Variants in ULK1 observed in about 807,000 individuals in gnomAD.
ULK1 encodes the protein unc-51 like autophagy activating kinase 1, also known as serine/threonine-protein kinase ULK1.
ULK1 carries 48 observed loss-of-function variants against 117.5 expected under a neutral mutation model. The ratio of observed to expected loss-of-function variants is 0.41; its 90% CI spans 0.32 to 0.52. The LOEUF (loss-of-function observed/expected upper bound fraction) is 0.52. ULK1 is among the 20% of genes least tolerant of loss of function. ULK1 has a pLI of 0.29. For synonymous variants in ULK1, 790 were observed against 637.8 expected, an observed-to-expected ratio of 1.24 and a Z score of -3.60; for missense variants, 1,387 against 1,473.4, an observed-to-expected ratio of 0.94 and a Z score of 0.96.
chr12:131,906,663 G>T (rs1046616981), intron 3 of ULK1: 27 of 597,558 alleles, frequency 4.5e-5, no homozygotes, highest in South Asian at 1.6e-4. Flanking sequence ...CTTATGGGGG[G>T]ACCAGGGGCC....
chr12:131,908,861 CG>C, intron 6 of ULK1, 36 bp from the exon 7 acceptor site: 1 of 1,606,166 alleles, frequency 6.2e-7, no homozygotes, highest in East Asian at 2.2e-5. Flanking sequence ...GGAGGGGCTC[CG>C]GGGCCGGCGC....
chr12:131,897,614 G>C (rs1888927727), intron 3 of ULK1: 1 of 152,038 alleles, frequency 6.6e-6, no homozygotes, highest in Non-Finnish European at 1.5e-5. Context: ...TTCTGTGCTG[G>C]CTCAATCCAT....
intron 8 of ULK1, among the ~76,000 whole-genome samples, chr12:131,909,477 C>G (rs1023631891): frequency 5.3e-5 from 8 of 152,114 alleles, no homozygotes; most frequent in Non-Finnish European, 1.0e-4. Context: ...TGTCTGGTCG[C>G]CTGTCTAGTC....
At chr12:131,900,959 A>G (rs1173238582) in intron 3 of ULK1, among the ~76,000 whole-genome samples, 1 of 151,728 alleles carries the variant, frequency 6.6e-6, no homozygotes. Context: ...TGGGGTGGGT[A>G]CCCAGCTCCT....
chr12:131,910,528 G>A (rs1036785127), intron 11 of ULK1, among the ~76,000 whole-genome samples, 184 bp from the exon 12 acceptor site: 2 of 152,166 alleles, frequency 1.3e-5, no homozygotes, highest in Admixed American at 6.5e-5. Context: ...GGGTGTTGGA[G>A]GGGCTGGTGC....
intron 25 of ULK1, 180 bp downstream of exon 25, chr12:131,919,770 G>C: frequency 2.0e-6 from 2 of 1,020,726 alleles, no homozygotes. Context: ...CAGCACCCTG[G>C]AGCCCAGTAT....
At position 131,908,619 on chromosome 12, in the gene ULK1, G is replaced by A. The variant is rs532238808; in HGVS notation, c.317-25G>A. The A allele has an allele frequency of 8.2e-6, 12 of 1,456,854 alleles. No individual in the cohort carries two copies. In the East Asian group the frequency reaches 3.0e-4, roughly 37 times the overall value. 90.2% of individuals were successfully genotyped at this position (1,456,854 alleles called of 1,614,324 possible). On this transcript the variant is annotated intron_variant, in intron 5 of 27. Transcript: ENST00000321867. ...CCTGGGGGAGGAAACACGGCCCCCAGGCCCTGAGCCGCCTCTCCCCGCAGC... is the reference window on the plus strand; with the variant it reads ...CCTGGGGGAGGAAACACGGCCCCCAAGCCCTGAGCCGCCTCTCCCCGCAGC...
At chr12:131,913,654 G>A (rs1306859719) in intron 14 of ULK1, 93 bp from the exon 15 acceptor site, 7 of 912,970 alleles carry the variant, frequency 7.7e-6, no homozygotes, top group East Asian at 6.2e-5. Flanking sequence ...GCAGTGAGCC[G>A]AGATTGCGCC....
rs2136405175 is a variant in ULK1, at chr12:131,917,068, T to G, written c.2182+6T>G. 1.5e-5 allele frequency: 18 copies of G among 1,164,100 alleles called. No individual in the cohort carries two copies. Among genetic ancestry groups the G allele is most frequent in the African/African-American group, 6.4e-5 (2 of 31,374 alleles). The allele number at this position is 1,164,100 out of a possible 1,614,324, so 72.1% of individuals were successfully genotyped here. A position where few individuals can be genotyped will look rare whatever the true frequency, so the allele number is the denominator to read the frequency against. ...GGAGAAGCCCATGGAGATCGGTGTGTGGGTGGGTGGGGCTCGGAGGCTGTG... is the reference window on the plus strand; with the variant it reads ...GGAGAAGCCCATGGAGATCGGTGTGGGGGTGGGTGGGGCTCGGAGGCTGTG... On this transcript the variant is annotated splice_donor_region_variant and intron_variant, in intron 21 of 27. Coordinates refer to ENST00000321867, the MANE Select transcript of ULK1 (RefSeq NM_003565.4).
At chr12:131,906,628 A>C in intron 3 of ULK1, 1 of 550,782 alleles carries the variant, frequency 1.8e-6, no homozygotes, top group Non-Finnish European at 3.3e-6. Flanking sequence ...GCTAGGGGGT[A>C]TGTCCTCTGC....
chr12:131,916,373 C>G (rs767180908), intron 19 of ULK1, 25 bp from the exon 20 acceptor site: 1 of 1,545,238 alleles, frequency 6.5e-7, no homozygotes, highest in Admixed American at 2.0e-5. Context: ...GCGGGGCAGT[C>G]TTCACCCCAT....
At position 131,917,050 on chromosome 12, in the gene ULK1, C is replaced by A; in HGVS notation, c.2170C>A (p.Pro724Thr). The part of the protein sequence containing the change: ...PGSTESLQEK[P>T]MEIAPSAGFG... ...CAGCACGGAGAGCCTGCAGGAGAAG[C>A]CCATGGAGATCGGTGTGTGGGTGGG... The change falls in exon 21 of 28, where the codon CCC becomes ACC. Residue 724 changes from proline to threonine, a missense_variant. Transcript: ENST00000321867. 1 of 1,398,780 alleles carries A rather than the reference C, an allele frequency of 7.1e-7. No homozygotes were observed. The allele number at this position is 1,398,780 out of a possible 1,614,324, so 86.6% of individuals were successfully genotyped here.
At chr12:131,918,794 GGGGTGTGGGGTGTAGT>G (rs1328139096) in intron 23 of ULK1, 113 bp downstream of exon 23, 29 of 271,834 alleles carry the variant, frequency 1.1e-4, no homozygotes, top group East Asian at 1.0e-3. Flanking sequence ...TGGGGTGTCG[GGGGTGTGGGGTGTAGT>G]GTGTGGGGTG....
chr12:131,921,539 A>T lies in ULK1; in HGVS notation c.*178A>T. 1.2e-6 allele frequency: 1 copy of T among 867,564 alleles called. No homozygotes were observed. Among genetic ancestry groups the T allele is most frequent in the Non-Finnish European group, 1.8e-6 (1 of 551,828 alleles). The allele number at this position is 867,564 out of a possible 1,614,324, so 53.7% of individuals were successfully genotyped here. On this transcript the variant is annotated 3_prime_UTR_variant, in exon 28 of 28. Coordinates refer to ENST00000321867, the MANE Select transcript of ULK1 (RefSeq NM_003565.4). ...GCAGCTCACGGGGCAGAACCAGCACATCTGGAGCCACACAGCTTGGGGGGT... is the reference window on the plus strand; with the variant it reads ...GCAGCTCACGGGGCAGAACCAGCACTTCTGGAGCCACACAGCTTGGGGGGT...
At position 131,922,084 on chromosome 12, in the gene ULK1, C is replaced by T. The variant is rs1177553258; in HGVS notation, c.*723C>T. 8.9e-6 allele frequency: 4 copies of T among 451,332 alleles called. No individual in the cohort carries two copies. Among genetic ancestry groups the T allele is most frequent in the South Asian group, 3.1e-5 (2 of 64,324 alleles). The allele number at this position is 451,332 out of a possible 1,614,324, so 28.0% of individuals were successfully genotyped here. ...CAAGCGTTCCTCTGGGGACCGGCAG[C>T]AGAGGCACCGTGTTCTCTCAGCCCT... On this transcript the variant is annotated 3_prime_UTR_variant, in exon 28 of 28. Coordinates refer to ENST00000321867, the MANE Select transcript of ULK1 (RefSeq NM_003565.4).
Position 131,917,459 on chromosome 12 carries a change from G to A in ULK1, c.2231G>A (p.Gly744Glu). Residue 744 changes from glycine (G) to glutamate (E), a missense_variant, in exon 22 of 28, where the codon GGG (glycine) becomes GAG (glutamate). By Grantham distance (98) the Gly-to-Glu change is moderately conservative (BLOSUM62 -2). Around this residue, in one of 4 missense-constraint regions of ULK1, gnomAD observed 900 missense variants for 858.9 expected, o/e 1.05. Transcript: ENST00000321867. The part of the protein sequence containing the change: ...GGSLHPGARA[G>E]GTSSPSPVVF... ...AGCCTGCACCCAGGAGCCCGTGCTGGGGGCACCAGCAGCCCTTCCCCGGTG... is the reference window on the plus strand; with the variant it reads ...AGCCTGCACCCAGGAGCCCGTGCTGAGGGCACCAGCAGCCCTTCCCCGGTG... 6.5e-7 allele frequency: 1 copy of A among 1,532,354 alleles called. No homozygotes were observed. The highest frequency in any genetic ancestry group is 1.2e-5 in the South Asian group (1 of 81,596). 94.9% of individuals were successfully genotyped at this position (1,532,354 alleles called of 1,614,324 possible).
intron 20 of ULK1, 27 bp downstream of exon 20, chr12:131,916,618 G>A (rs149122158): frequency 5.3e-6 from 8 of 1,521,178 alleles, no homozygotes; most frequent in Admixed American, 2.3e-5. Flanking sequence ...GGCCTTGGAC[G>A]GGCTTCTGAG....
intron 12 of ULK1, among the ~76,000 whole-genome samples, chr12:131,911,009 G>A (rs970869251): frequency 2.0e-5 from 3 of 152,220 alleles, no homozygotes; most frequent in Non-Finnish European, 2.9e-5. Context: ...CCCAGAGGCC[G>A]ATAGGGCGGC....
chr12:131,914,336 C>T lies in ULK1; in HGVS notation c.1248-16C>T, dbSNP rs776546434. The T allele has an allele frequency of 2.5e-6, 4 of 1,607,034 alleles. No individual in the cohort carries two copies. The highest frequency in any genetic ancestry group is 1.1e-5 in the South Asian group (1 of 91,080). On this transcript the variant is annotated splice_polypyrimidine_tract_variant and intron_variant, in intron 15 of 27. Coordinates refer to ENST00000321867, the MANE Select transcript of ULK1 (RefSeq NM_003565.4). ...ACCCCAGTGTCTGTCATGATCCTGACCTCTCTCCACCACAGCCGGGCTGGC... is the reference window on the plus strand; with the variant it reads ...ACCCCAGTGTCTGTCATGATCCTGATCTCTCTCCACCACAGCCGGGCTGGC...
Sources: allele counts gnomAD v4.1 joint callset (sites outside exome capture counted in the v4.1 genomes callset), GRCh38; gene constraint gnomAD v4.1.1; regional missense constraint gnomAD v4.1.1; transcripts MANE v1.5; gene names NCBI Gene and HGNC (gene_info 2026-07-23, HGNC 2026-07-21).